The following TRIP12 variants were observed in gnomAD, a reference collection of about 807,000 sequenced individuals.
The protein encoded by TRIP12 is thyroid hormone receptor interactor 12, also known as E3 ubiquitin-protein ligase TRIP12.
TRIP12 carries 25 observed loss-of-function variants against 244.2 expected under a neutral mutation model. That is an observed-to-expected ratio of 0.10 (90% CI 0.07 to 0.14). The LOEUF (loss-of-function observed/expected upper bound fraction) is 0.14, where lower values mean the gene tolerates loss of function less well. Among genes scored for constraint, TRIP12 ranks in the 10% least tolerant of loss-of-function variants. TRIP12 has a pLI of 1.00. For missense variants in TRIP12, 1,677 were observed against 2,486.4 expected, an observed-to-expected ratio of 0.67 and a Z score of 6.92; for synonymous variants, 905 against 873.1, an observed-to-expected ratio of 1.04 and a Z score of -0.64.
At chr2:229,914,689 G>T (rs771131370) in intron 1 of TRIP12, among the ~76,000 whole-genome samples, 51 of 152,174 alleles carry the variant, frequency 3.4e-4, no homozygotes, top group Non-Finnish European at 7.1e-4. Context: ...CCCACGGCTA[G>T]AGTGAGTAGG....
intron 1 of TRIP12, among the ~76,000 whole-genome samples, chr2:229,910,308 T>C (rs531867520): frequency 4.6e-5 from 7 of 152,240 alleles, no homozygotes; most frequent in Non-Finnish European, 1.0e-4. Context: ...TCTCAGAAGT[T>C]AACTCTGTAA....
chr2:229,766,258 T>C lies in TRIP12; in HGVS notation c.*1296A>G, dbSNP rs1486830371. The C allele has an allele frequency of 6.6e-6, 1 of 152,226 alleles. No individual in the cohort carries two copies. The highest frequency in any genetic ancestry group is 2.4e-5 in the African/African-American group (1 of 41,454). 9.4% of individuals were successfully genotyped at this position (152,226 alleles called of 1,614,324 possible). Reference sequence around the variant, plus strand: ...TTTTAGTTTCTTCAAGTTGCTATTATAAATTGTTTGAATAGCAAAATCAGC... The same window carrying C: ...TTTTAGTTTCTTCAAGTTGCTATTACAAATTGTTTGAATAGCAAAATCAGC... On this transcript the variant is annotated 3_prime_UTR_variant, in exon 42 of 42. Transcript: ENST00000675903.
intron 27 of TRIP12, 92 bp from the exon 28 acceptor site, chr2:229,792,318 A>G: frequency 8.2e-7 from 1 of 1,221,714 alleles, no homozygotes; most frequent in Non-Finnish European, 1.2e-6. Context: ...ATATTCTTAG[A>G]AAACACATAT....
At chr2:229,808,476 AC>A in intron 15 of TRIP12, 107 bp from the exon 16 acceptor site, 1 of 747,098 alleles carries the variant, frequency 1.3e-6, no homozygotes, top group Non-Finnish European at 2.2e-6. Flanking sequence ...TCATTTTCTT[AC>A]AAAGCAACAT....
At chr2:229,831,573 G>A (rs2053384078) in intron 6 of TRIP12, among the ~76,000 whole-genome samples, 1 of 152,212 alleles carries the variant, frequency 6.6e-6, no homozygotes, top group African/African-American at 2.4e-5. Flanking sequence ...AGAGGCTGCA[G>A]TGTGCCGTGA....
At chr2:229,844,696 C>T (rs912240733) in intron 4 of TRIP12, among the ~76,000 whole-genome samples, 1 of 152,032 alleles carries the variant, frequency 6.6e-6, no homozygotes, top group Non-Finnish European at 1.5e-5. Context: ...CTATAAAAAT[C>T]GGGCAGGGAC....
chr2:229,904,688 G>A (rs1293997522), intron 1 of TRIP12, among the ~76,000 whole-genome samples: 1 of 152,050 alleles, frequency 6.6e-6, no homozygotes, highest in Non-Finnish European at 1.5e-5. Context: ...TTTAACAATT[G>A]CTCTATACTT....
chr2:229,897,185 A>C (rs2069082178), intron 1 of TRIP12, among the ~76,000 whole-genome samples: 1 of 152,214 alleles, frequency 6.6e-6, no homozygotes, highest in East Asian at 1.9e-4. Context: ...TAAAAAGAGT[A>C]CCTCCATAGT....
intron 18 of TRIP12, among the ~76,000 whole-genome samples, chr2:229,805,185 G>A (rs1222162163): frequency 1.4e-5 from 2 of 143,444 alleles, no homozygotes; most frequent in Non-Finnish European, 3.1e-5. Context: ...GATTACAGGC[G>A]TGAGACACCA....
intron 34 of TRIP12, among the ~76,000 whole-genome samples, chr2:229,782,914 C>CT (rs2038738428): frequency 2.0e-5 from 3 of 152,070 alleles, no homozygotes; most frequent in Non-Finnish European, 2.9e-5. Context: ...CCCCAAAACT[C>CT]TAAGTTTTGT....
At chr2:229,878,284 T>C (rs2064023859) in intron 2 of TRIP12, among the ~76,000 whole-genome samples, 1 of 151,938 alleles carries the variant, frequency 6.6e-6, no homozygotes, top group Non-Finnish European at 1.5e-5. Context: ...ACACCATCTC[T>C]ACTAAAAATA....
chr2:229,860,373 C>T (rs754238122), intron 3 of TRIP12, 33 bp downstream of exon 3: 3 of 1,578,018 alleles, frequency 1.9e-6, no homozygotes, highest in Admixed American at 1.8e-5. Context: ...AATAATTCTG[C>T]CTTGAAAATG....
intron 1 of TRIP12, among the ~76,000 whole-genome samples, chr2:229,891,057 G>T (rs1277586033): frequency 1.3e-5 from 2 of 152,180 alleles, no homozygotes; most frequent in African/African-American, 4.8e-5. Flanking sequence ...GCACAAGAAG[G>T]TGGCTTGAGC....
chr2:229,772,519 A>G (rs895623474), intron 38 of TRIP12, among the ~76,000 whole-genome samples: 7 of 152,154 alleles, frequency 4.6e-5, no homozygotes, highest in African/African-American at 1.7e-4. Context: ...GCTGGAGTGC[A>G]GTGGCATGAT....
intron 15 of TRIP12, among the ~76,000 whole-genome samples, chr2:229,810,097 T>G (rs1170988483): frequency 3.9e-5 from 6 of 152,218 alleles, no homozygotes; most frequent in African/African-American, 1.4e-4. Context: ...TGATGGCTCA[T>G]GCCTATAATC....
intron 1 of TRIP12, among the ~76,000 whole-genome samples, chr2:229,897,518 T>C (rs1258059850): frequency 1.3e-5 from 2 of 152,014 alleles, no homozygotes; most frequent in Non-Finnish European, 2.9e-5. Context: ...TGTGGTGGCA[T>C]GCGCCTGTAA....
chr2:229,821,585 A>C (rs2050069982), intron 8 of TRIP12, among the ~76,000 whole-genome samples: 1 of 152,178 alleles, frequency 6.6e-6, no homozygotes, highest in Non-Finnish European at 1.5e-5. Context: ...TGGACACTGA[A>C]ATTTGATCTG....
At chr2:229,839,702 G>C (rs1345750691) in intron 5 of TRIP12, among the ~76,000 whole-genome samples, 1 of 151,618 alleles carries the variant, frequency 6.6e-6, no homozygotes, top group Non-Finnish European at 1.5e-5. Flanking sequence ...AGAAAAAAGT[G>C]GCATGACTTA....
rs1202450198 is a variant in TRIP12, at chr2:229,814,004, G to A, written c.1852C>T (p.Leu618=). 1.3e-6 allele frequency: 2 copies of A among 1,582,532 alleles called. No individual in the cohort carries two copies. The highest frequency in any genetic ancestry group is 4.5e-5 in the East Asian group (2 of 44,106). ...TGGGCATTTATGCTGAAGAATTCTA[G>A]GTACAGCAAGCAGTCTGCCAAACCA... ...AGGLADCLLY[L]EFFSINAQRN... is the part of the protein sequence containing the mutation. The change falls in exon 13 of 42, where the codon CTA becomes TTA. Residue 618 remains leucine, a synonymous_variant. Transcript: ENST00000675903.
Sources: gnomAD v4.1 joint callset for allele counts (sites outside exome capture counted in the v4.1 genomes callset) on GRCh38, gnomAD v4.1.1 for gene constraint, MANE v1.5 for transcripts, NCBI Gene and HGNC (gene_info 2026-07-23, HGNC 2026-07-21) for gene names.